The following PANK4 variants were observed in gnomAD, a reference collection of about 807,000 sequenced individuals.
The protein encoded by PANK4 is pantothenate kinase 4 (inactive).
A neutral mutation model predicts 87.9 loss-of-function variants in PANK4; 40 were observed. The ratio of observed to expected loss-of-function variants is 0.46; its 90% CI spans 0.35 to 0.59. The LOEUF is 0.59. Among genes scored for constraint, PANK4 ranks in the 20% least tolerant of loss-of-function variants. PANK4 has a pLI of 0.00. For synonymous variants in PANK4, 524 were observed against 467.4 expected (o/e 1.12, Z -1.56); for missense variants, 926 against 1,072.3 (o/e 0.86, Z 1.90).
At position 2,510,092 on chromosome 1, in the gene PANK4, C is replaced by A. The variant is rs1320251221; in HGVS notation, c.2004G>T (p.Val668=). The change falls in exon 17 of 19, where the codon GTG becomes GTT. Residue 668 remains valine, a synonymous_variant. Coordinates refer to ENST00000378466, the MANE Select transcript of PANK4 (RefSeq NM_018216.4). The surrounding 1 kb of genome is among the most constrained non-coding windows in gnomAD (Gnocchi z 4.9). The stretch of plus-strand genomic sequence containing the variant: ...GGTCCATGCCCGCAATACGCTCTGC[C>A]ACGATGAGGGACTCGCTGTGGGTCA... ...NDVTHSESLI[V]AERIAGMDPV... is the part of the protein sequence containing the mutation. 1 of 1,611,420 alleles carries A rather than the reference C, an allele frequency of 6.2e-7. No homozygotes were observed. The highest frequency in any genetic ancestry group is 8.5e-7 in the Non-Finnish European group (1 of 1,179,274).
At chr1:2,518,743 G>C (rs1643831750) in intron 7 of PANK4, 146 bp from the exon 8 acceptor site, 10 of 695,550 alleles carry the variant, frequency 1.4e-5, no homozygotes, top group Non-Finnish European at 2.5e-5. Flanking sequence ...CTTGCCAGTG[G>C]AATCGCGCCT....
chr1:2,508,911 A>G lies in PANK4; in HGVS notation c.2258T>C (p.Leu753Pro). ...LKLAVIKNAW[L>P]AERLGGRLFS... ...GAGCCGGCCGCCCAGCCGCTCGGCCAGCCACGCGTTCTTGATGACGGCCAG... is the reference window on the plus strand; with the variant it reads ...GAGCCGGCCGCCCAGCCGCTCGGCCGGCCACGCGTTCTTGATGACGGCCAG... Residue 753 changes from leucine (L) to proline (P), a missense_variant, in exon 19 of 19, where the codon CTG (leucine) becomes CCG (proline). Leu to Pro is a moderately conservative substitution (Grantham distance 98, BLOSUM62 -3). Coordinates refer to ENST00000378466, the MANE Select transcript of PANK4 (RefSeq NM_018216.4). This position sits in a 1 kb window ranked among gnomAD's most constrained non-coding sequence, Gnocchi z 5.1. 1 of 1,610,344 alleles carries G rather than the reference A, an allele frequency of 6.2e-7. No individual in the cohort carries two copies. The highest frequency in any genetic ancestry group is 8.5e-7 in the Non-Finnish European group (1 of 1,178,900).
chr1:2,515,802 TAAG>T lies in PANK4; in HGVS notation c.1219-88_1219-86del, dbSNP rs1643760788. On this transcript the variant is annotated intron_variant, in intron 9 of 18. Coordinates refer to ENST00000378466, the MANE Select transcript of PANK4 (RefSeq NM_018216.4). The surrounding 1 kb of genome is among the most constrained non-coding windows in gnomAD (Gnocchi z 5.0). ...CACTCAGAAGCTTCCACTCTCTCTC[TAAG>T]AAGGGAGATGTACTGCCTTCTTCCG... The T allele has an allele frequency of 3.1e-6, 4 of 1,309,520 alleles. No individual in the cohort carries two copies. The highest frequency in any genetic ancestry group is 3.2e-6 in the Non-Finnish European group (3 of 934,730). The allele number at this position is 1,309,520 out of a possible 1,614,324, so 81.1% of individuals were successfully genotyped here.
At chr1:2,514,201 C>T (rs1643716224) in intron 11 of PANK4, 112 bp from the exon 12 acceptor site, 4 of 1,160,706 alleles carry the variant, frequency 3.4e-6, no homozygotes, top group Non-Finnish European at 3.9e-6. Flanking sequence ...GCAAACGCTG[C>T]TTGAGGCGGG....
At position 2,510,011 on chromosome 1, in the gene PANK4, G is replaced by A; in HGVS notation, c.2039+46C>T. 1 of 1,575,376 alleles carries A rather than the reference G, an allele frequency of 6.3e-7. No homozygotes were observed. The highest frequency in any genetic ancestry group is 8.7e-7 in the Non-Finnish European group (1 of 1,153,134). On this transcript the variant is annotated intron_variant, in intron 17 of 18. Coordinates refer to ENST00000378466, the MANE Select transcript of PANK4 (RefSeq NM_018216.4). The surrounding 1 kb of genome is among the most constrained non-coding windows in gnomAD (Gnocchi z 4.9). ...CCATGGCCCACTCTGCCCAGCTGGT[G>A]CCCCTCCCCATCAAGGCCCCCCCAG... is the stretch of plus-strand genomic sequence containing the variant.
chr1:2,515,803 A>C lies in PANK4; in HGVS notation c.1219-86T>G. 1 of 1,292,090 alleles carries C rather than the reference A, an allele frequency of 7.7e-7. No individual in the cohort carries two copies. 80.0% of individuals were successfully genotyped at this position (1,292,090 alleles called of 1,614,324 possible). On this transcript the variant is annotated intron_variant, in intron 9 of 18. Coordinates refer to ENST00000378466, the MANE Select transcript of PANK4 (RefSeq NM_018216.4). The surrounding 1 kb of genome is among the most constrained non-coding windows in gnomAD (Gnocchi z 5.0). Reference sequence around the variant, plus strand: ...ACTCAGAAGCTTCCACTCTCTCTCTAAGAAGGGAGATGTACTGCCTTCTTC... The same window carrying C: ...ACTCAGAAGCTTCCACTCTCTCTCTCAGAAGGGAGATGTACTGCCTTCTTC...
rs781479960 is a variant in PANK4 at position 2,508,986 on chromosome 1, C to T, written c.2183G>A (p.Arg728His). The stretch of plus-strand genomic sequence containing the variant: ...TGCGTGGTAGTTTGTGTGGACAGCA[C>T]GGCCCATGCCCTCGATGACCACCAG... ...ADLVVIEGMG[R>H]AVHTNYHAAL... is the part of the protein sequence containing the mutation. Residue 728 changes from arginine (R) to histidine (H), a missense_variant, in exon 19 of 19, where the codon CGT becomes CAT. Transcript: ENST00000378466. This position sits in a 1 kb window ranked among gnomAD's most constrained non-coding sequence, Gnocchi z 5.1. 6 of 1,608,526 alleles carry T rather than the reference C, an allele frequency of 3.7e-6. No homozygotes were observed. The highest frequency in any genetic ancestry group is 5.1e-6 in the Non-Finnish European group (6 of 1,179,238).
chr1:2,512,741 A>G, intron 13 of PANK4, 147 bp downstream of exon 13: 1 of 752,910 alleles, frequency 1.3e-6, no homozygotes, highest in Non-Finnish European at 2.2e-6. Flanking sequence ...TGCCATGTGC[A>G]CTCCCTGGGC....
At chr1:2,517,606 A>G (rs945876588) in intron 9 of PANK4, among the ~76,000 whole-genome samples, 6 of 152,156 alleles carry the variant, frequency 3.9e-5, no homozygotes, top group African/African-American at 1.4e-4. Flanking sequence ...ACCCTTCCGG[A>G]GCAGCTCCAA....
At position 2,509,132 on chromosome 1, in the gene PANK4, C is replaced by A. The variant is rs988277644; in HGVS notation, c.2109-72G>T. The A allele has an allele frequency of 9.8e-6, 12 of 1,219,618 alleles. No individual in the cohort carries two copies. Among genetic ancestry groups the A allele is most frequent in the Non-Finnish European group, 1.4e-5 (12 of 866,918 alleles). 75.5% of individuals were successfully genotyped at this position (1,219,618 alleles called of 1,614,324 possible). On this transcript the variant is annotated intron_variant, in intron 18 of 18. Coordinates refer to ENST00000378466, the MANE Select transcript of PANK4 (RefSeq NM_018216.4). This position sits in a 1 kb window ranked among gnomAD's most constrained non-coding sequence, Gnocchi z 4.9. ...CCCCACTTCCCATACAGTGCGGCGA[C>A]CAACGTGAAGGCTGAAACCCCTACC...
Position 2,520,484 on chromosome 1 carries a change from C to T in PANK4, c.607-70G>A. On this transcript the variant is annotated intron_variant, in intron 4 of 18. Transcript: ENST00000378466. The surrounding 1 kb of genome is among the most constrained non-coding windows in gnomAD (Gnocchi z 6.2). ...CACACAGGCTCCCCCGCCCCCCGCCCCATGTGCTGCGCTGGGGTGAACCCC... is the reference window on the plus strand; with the variant it reads ...CACACAGGCTCCCCCGCCCCCCGCCTCATGTGCTGCGCTGGGGTGAACCCC... The T allele has an allele frequency of 1.6e-6, 2 of 1,279,710 alleles. No individual in the cohort carries two copies. The highest frequency in any genetic ancestry group is 2.2e-6 in the Non-Finnish European group (2 of 918,708). 79.3% of individuals were successfully genotyped at this position (1,279,710 alleles called of 1,614,324 possible).
At chr1:2,517,490 CG>C (rs1336012823) in intron 9 of PANK4, among the ~76,000 whole-genome samples, 7 of 152,312 alleles carry the variant, frequency 4.6e-5, no homozygotes, top group Admixed American at 3.9e-4. Context: ...ATGAGCCCCG[CG>C]GGGGGGCACG....
At chr1:2,518,495 G>C in intron 8 of PANK4, 21 bp downstream of exon 8, 1 of 1,547,466 alleles carries the variant, frequency 6.5e-7, no homozygotes, top group South Asian at 1.2e-5. Context: ...GCTGCTCAGG[G>C]GCGCCAGCAC....
chr1:2,509,581 G>A lies in PANK4; in HGVS notation c.2108+281C>T, dbSNP rs75875515. Among the ~76,000 whole-genome samples the A allele has an allele frequency of 0.046, 6,928 of 152,202 alleles. 213 individuals carry two copies. Among genetic ancestry groups the A allele is most frequent in the African/African-American group, 0.085 (3,525 of 41,520 alleles). ...CCGGGCAGCTGCCCAGGTCGCCCTC[G>A]GTCTCAGCTGAGTGGCCACAGGGAC... On this transcript the variant is annotated intron_variant, in intron 18 of 18. Transcript: ENST00000378466. This position sits in a 1 kb window ranked among gnomAD's most constrained non-coding sequence, Gnocchi z 4.9.
Position 2,511,402 on chromosome 1 carries a change from G to T in PANK4, c.1784-15C>A. The T allele has an allele frequency of 6.3e-7, 1 of 1,599,668 alleles. No individual in the cohort carries two copies. Among genetic ancestry groups the T allele is most frequent in the Non-Finnish European group, 8.6e-7 (1 of 1,167,810 alleles). ...CCAGGGTCTTTCTGAGACAGAGAGA[G>T]GGACACATGATTAGCCCGGTGCTCC... is the stretch of plus-strand genomic sequence containing the variant. On this transcript the variant is annotated splice_polypyrimidine_tract_variant and intron_variant, in intron 14 of 18. Coordinates refer to ENST00000378466, the MANE Select transcript of PANK4 (RefSeq NM_018216.4).
At chr1:2,521,500 G>A in intron 2 of PANK4, 185 bp from the exon 3 acceptor site, 1 of 687,524 alleles carries the variant, frequency 1.5e-6, no homozygotes, top group Non-Finnish European at 2.6e-6. Flanking sequence ...CCCAGCAGGA[G>A]CGGAAGCCTC....
chr1:2,512,846 C>T (rs1375083731), intron 13 of PANK4, 42 bp downstream of exon 13: 2 of 1,603,356 alleles, frequency 1.2e-6, no homozygotes, highest in East Asian at 2.2e-5. Flanking sequence ...AGGACAGGCA[C>T]CCACAGGCTG....
chr1:2,514,366 C>G lies in PANK4; in HGVS notation c.1475G>C (p.Arg492Thr). The G allele has an allele frequency of 1.2e-6, 2 of 1,611,710 alleles. No homozygotes were observed. The highest frequency in any genetic ancestry group is 1.7e-6 in the Non-Finnish European group (2 of 1,179,026). ...GCTGGGCACTTACAAGGGCTGCTGCCTCAGGGTCTGAAGCTTGTTCCAGTA... is the reference window on the plus strand; with the variant it reads ...GCTGGGCACTTACAAGGGCTGCTGCGTCAGGGTCTGAAGCTTGTTCCAGTA... ...QKYWNKLQTL[R>T]QQPFAYGTLT... The change falls in exon 11 of 19, where the codon AGG becomes ACG. Residue 492 changes from arginine to threonine, a missense_variant. Physicochemically the swap from Arg to Thr is moderately conservative, Grantham distance 71. Coordinates refer to ENST00000378466, the MANE Select transcript of PANK4 (RefSeq NM_018216.4).
chr1:2,524,530 A>G (rs181114595), intron 1 of PANK4, among the ~76,000 whole-genome samples: 3 of 152,168 alleles, frequency 2.0e-5, no homozygotes, highest in Non-Finnish European at 4.4e-5. Flanking sequence ...TACCAGCACT[A>G]AACAGACCTC....
Sources: gnomAD v4.1 joint callset for allele counts (sites outside exome capture counted in the v4.1 genomes callset) on GRCh38, gnomAD v4.1.1 for gene constraint, Gnocchi (gnomAD v3.1) non-coding constraint, MANE v1.5 for transcripts, NCBI Gene and HGNC (gene_info 2026-07-23, HGNC 2026-07-21) for gene names.